ZNF792: variants seen among roughly 807,000 people sequenced by gnomAD.
The protein encoded by ZNF792 is zinc finger protein 792.
ZNF792 carries 14 observed loss-of-function variants against 13.1 expected under a neutral mutation model. The observed-to-expected ratio is 1.07, with a 90% CI of 0.71 to 1.67. ZNF792 has a LOEUF of 1.67. ZNF792 is among the 40% of genes most tolerant of loss of function. The probability of loss-of-function intolerance (pLI) is 0.00; values close to 1 mark genes in which losing one functional copy is unlikely to be tolerated. For synonymous variants in ZNF792, 257 were observed against 292.0 expected, an observed-to-expected ratio of 0.88 and a Z score of 1.22; for missense variants, 740 against 807.9, an observed-to-expected ratio of 0.92 and a Z score of 1.02.
Position 34,958,757 on chromosome 19 carries a change from A to G in ZNF792, c.1098T>C (p.Tyr366=), listed in dbSNP as rs2013477110. 1.2e-6 allele frequency: 2 copies of G among 1,613,860 alleles called. No individual in the cohort carries two copies. ...HKRVHTGEKP[Y]ECSDCGKFFS... ...AGAACTTCCCACAGTCGCTGCACTC[A>G]TATGGCTTTTCACCAGTGTGAACCC... Residue 366 remains tyrosine (Y), a synonymous_variant, in exon 4 of 4, where the codon TAT becomes TAC. Transcript: ENST00000404801.
chr19:34,958,442 A>T lies in ZNF792; in HGVS notation c.1413T>A (p.Val471=). The T allele has an allele frequency of 6.2e-7, 1 of 1,609,822 alleles. No homozygotes were observed. Among genetic ancestry groups the T allele is most frequent in the Non-Finnish European group, 8.5e-7 (1 of 1,177,676 alleles). The change falls in exon 4 of 4, where the codon GTT becomes GTA. Residue 471 remains valine (V), a synonymous_variant. Coordinates refer to ENST00000404801, the MANE Select transcript of ZNF792 (RefSeq NM_175872.5). ...RSSDLMKHQR[V]HTGERPYECN... ...ATTCATAAGGCCGCTCACCAGTGTG[A>T]ACTCGCTGATGTTTCATGAGGTCAG...
At chr19:34,963,517 C>A in intron 1 of ZNF792, 113 bp downstream of exon 1, 1 of 1,469,800 alleles carries the variant, frequency 6.8e-7, no homozygotes. Context: ...GACTCAAAAG[C>A]AAGGAAATGG....
At position 34,960,955 on chromosome 19, in the gene ZNF792, G is replaced by A; in HGVS notation, c.73C>T (p.Gln25Ter). The stretch of plus-strand genomic sequence containing the variant: ...TCATCGAGGAGCACCCACTCCTCCT[G>A]GGAGAAGTAAATGGTCACGTCCTCA... The part of the protein sequence containing the change: ...TFEDVTIYFS[Q>*]EEWVLLDEAQ... The change falls in exon 2 of 4, where the codon CAG becomes TAG. Residue 25 changes from glutamine (Q) to a stop codon, truncating the protein, a stop_gained. Transcript: ENST00000404801. LOFTEE classifies it high-confidence loss of function. 6.2e-7 allele frequency: 1 copy of A among 1,613,946 alleles called. No homozygotes were observed. The highest frequency in any genetic ancestry group is 1.1e-5 in the South Asian group (1 of 91,082).
rs146425557 is a variant in ZNF792, at chr19:34,958,905, T to C, written c.950A>G (p.Lys317Arg). ...GKPYECCECG[K>R]FFSQHSSLVK... is the part of the protein sequence containing the mutation. ...AAGGCTGGAGTGCTGGCTGAAGAAT[T>C]TTCCACATTCACAGCACTCATACGG... The change falls in exon 4 of 4, where the codon AAA becomes AGA. Residue 317 changes from lysine to arginine, a missense_variant. By Grantham distance (26) the Lys-to-Arg change is conservative. Coordinates refer to ENST00000404801, the MANE Select transcript of ZNF792 (RefSeq NM_175872.5). 144 of 1,613,936 alleles carry C rather than the reference T, an allele frequency of 8.9e-5. No individual in the cohort carries two copies. In the African/African-American group the frequency reaches 1.7e-3, roughly 19 times the overall value.
In ZNF792 at chr19:34,959,325, C is replaced by T. The variant is rs2651079; in HGVS notation, c.530G>A (p.Arg177Gln). Residue 177 changes from arginine (R) to glutamine (Q), a missense_variant, in exon 4 of 4, where the codon CGG (arginine) becomes CAG (glutamine). Coordinates refer to ENST00000404801, the MANE Select transcript of ZNF792 (RefSeq NM_175872.5). ...GTGTACGTTCTGCTGCACCTGTTTC[C>T]GGGGAAGGTTTGCACTGAACTCAGA... ...KGSEFSANLP[R>Q]KQVQQNVHNP... 804,148 of 1,613,794 alleles carry T rather than the reference C, an allele frequency of 0.5. 207,002 individuals are homozygous for T. Among genetic ancestry groups the T allele is most frequent in the African/African-American group, 0.85 (64,006 of 75,000 alleles).
chr19:34,958,484 T>C lies in ZNF792; in HGVS notation c.1371A>G (p.Lys457=), dbSNP rs2013470451. The change falls in exon 4 of 4, where the codon AAA becomes AAG. Residue 457 remains lysine (K), a synonymous_variant. Coordinates refer to ENST00000404801, the MANE Select transcript of ZNF792 (RefSeq NM_175872.5). ...TGAGGTCAGAGCTTCGGCTGAAGGCTTTCCCACACTCACCACACCCGTGAG... is the reference window on the plus strand; with the variant it reads ...TGAGGTCAGAGCTTCGGCTGAAGGCCTTCCCACACTCACCACACCCGTGAG... ...ERPHGCGECG[K]AFSRSSDLMK... The C allele has an allele frequency of 6.3e-7, 1 of 1,597,566 alleles. No homozygotes were observed. Among genetic ancestry groups the C allele is most frequent in the East Asian group, 2.2e-5 (1 of 44,744 alleles).
rs767604766 is a variant in ZNF792, at chr19:34,958,361, T to A, written c.1494A>T (p.Arg498Ser). The change falls in exon 4 of 4, where the codon AGA becomes AGT. Residue 498 changes from arginine (R) to serine (S), a missense_variant. Arg to Ser is a moderately radical substitution (Grantham distance 110). Transcript: ENST00000404801. Reference protein sequence around the residue: ...SQSSSLNSHRRLHTGERPYQC... With the variant: ...SQSSSLNSHRSLHTGERPYQC... Reference sequence around the variant, plus strand: ...GGTAAGGCCGTTCACCAGTGTGAAGTCTCCGATGGCTATTGAGGCTGGAGC... The same window carrying A: ...GGTAAGGCCGTTCACCAGTGTGAAGACTCCGATGGCTATTGAGGCTGGAGC... 6.2e-7 allele frequency: 1 copy of A among 1,613,350 alleles called. No individual in the cohort carries two copies. Among genetic ancestry groups the A allele is most frequent in the Non-Finnish European group, 8.5e-7 (1 of 1,179,710 alleles).
chr19:34,957,565 A>C lies in ZNF792; in HGVS notation c.*391T>G. 1 of 195,158 alleles carries C rather than the reference A, an allele frequency of 5.1e-6. No homozygotes were observed. The highest frequency in any genetic ancestry group is 5.5e-5 in the Admixed American group (1 of 18,118). 12.1% of individuals were successfully genotyped at this position (195,158 alleles called of 1,614,324 possible). A position where few individuals can be genotyped will look rare whatever the true frequency, so the allele number is the denominator to read the frequency against. On this transcript the variant is annotated 3_prime_UTR_variant, in exon 4 of 4. Transcript: ENST00000404801. ...TAAGTTGTTGTGTAGAGTAACATGA[A>C]GGCTGGACAAATCCTTCACAGGCAT...
Position 34,958,444 on chromosome 19 carries a change from C to G in ZNF792, c.1411G>C (p.Val471Leu). The part of the protein sequence containing the change: ...RSSDLMKHQR[V>L]HTGERPYECN... ...TCATAAGGCCGCTCACCAGTGTGAACTCGCTGATGTTTCATGAGGTCAGAG... is the reference window on the plus strand; with the variant it reads ...TCATAAGGCCGCTCACCAGTGTGAAGTCGCTGATGTTTCATGAGGTCAGAG... The change falls in exon 4 of 4, where the codon GTT becomes CTT. Residue 471 changes from valine to leucine, a missense_variant. Val to Leu is a conservative substitution (Grantham distance 32). Coordinates refer to ENST00000404801, the MANE Select transcript of ZNF792 (RefSeq NM_175872.5). The G allele has an allele frequency of 6.2e-7, 1 of 1,609,368 alleles. No individual in the cohort carries two copies. Among genetic ancestry groups the G allele is most frequent in the Non-Finnish European group, 8.5e-7 (1 of 1,177,354 alleles).
chr19:34,959,132 G>A lies in ZNF792; in HGVS notation c.723C>T (p.Thr241=), dbSNP rs115485454. Residue 241 remains threonine, a synonymous_variant, in exon 4 of 4, where the codon ACC becomes ACT. Coordinates refer to ENST00000404801, the MANE Select transcript of ZNF792 (RefSeq NM_175872.5). The part of the protein sequence containing the change: ...TPSDGEPHEA[T]EGVVDFHIAL... Reference sequence around the variant, plus strand: ...CAATGTGAAAATCCACCACACCTTCGGTGGCCTCGTGCGGCTCCCCATCGC... The same window carrying A: ...CAATGTGAAAATCCACCACACCTTCAGTGGCCTCGTGCGGCTCCCCATCGC... 3.6e-4 allele frequency: 574 copies of A among 1,613,756 alleles called. 1 individual carries two copies. In the African/African-American group the frequency reaches 7.0e-3, roughly 20 times the overall value.
Position 34,959,216 on chromosome 19 carries a change from C to A in ZNF792, c.639G>T (p.Arg213Ser), listed in dbSNP as rs1340607672. Residue 213 changes from arginine (R) to serine (S), a missense_variant, in exon 4 of 4, where the codon AGG (arginine) becomes AGT (serine). Coordinates refer to ENST00000404801, the MANE Select transcript of ZNF792 (RefSeq NM_175872.5). ...TGGCCACAAAGTCCTTCCCACCCTCCCTGCAGGTGGAAAGCTGATCTGATG... is the reference window on the plus strand; with the variant it reads ...TGGCCACAAAGTCCTTCCCACCCTCACTGCAGGTGGAAAGCTGATCTGATG... ...DHTSDQLSTC[R>S]EGGKDFVATA... 5 of 1,614,046 alleles carry A rather than the reference C, an allele frequency of 3.1e-6. No homozygotes were observed. The highest frequency in any genetic ancestry group is 4.2e-6 in the Non-Finnish European group (5 of 1,179,896).
chr19:34,962,194 T>C (rs1267416806), intron 1 of ZNF792, among the ~76,000 whole-genome samples: 1 of 152,086 alleles, frequency 6.6e-6, no homozygotes, highest in Non-Finnish European at 1.5e-5. Flanking sequence ...TACACTCCCG[T>C]CCACACACCA....
chr19:34,959,976 T>C (rs1375119407), intron 3 of ZNF792, among the ~76,000 whole-genome samples: 1 of 152,090 alleles, frequency 6.6e-6, no homozygotes, highest in Non-Finnish European at 1.5e-5. Flanking sequence ...ACACATTAAG[T>C]GTAGGCCAGT....
chr19:34,960,327 G>A lies in ZNF792; in HGVS notation c.191C>T (p.Ser64Phe), dbSNP rs868167533. ...GLISFRSHIV[S>F]QLEMGKEPWV... is the part of the protein sequence containing the mutation. Reference sequence around the variant, plus strand: ...GGGCTCTTTCCCCATCTCCAACTGGGAAACGATGTGGGACCTGAAAGATAT... The same window carrying A: ...GGGCTCTTTCCCCATCTCCAACTGGAAAACGATGTGGGACCTGAAAGATAT... The change falls in exon 3 of 4, where the codon TCC (serine) becomes TTC (phenylalanine). Residue 64 changes from serine to phenylalanine, a missense_variant. Transcript: ENST00000404801. The A allele has an allele frequency of 1.2e-6, 2 of 1,613,558 alleles. No homozygotes were observed. Among genetic ancestry groups the A allele is most frequent in the Non-Finnish European group, 1.7e-6 (2 of 1,179,788 alleles).
rs2013446256 is a variant in ZNF792 at position 34,957,301 on chromosome 19, A to G, written c.*655T>C. On this transcript the variant is annotated 3_prime_UTR_variant, in exon 4 of 4. Coordinates refer to ENST00000404801, the MANE Select transcript of ZNF792 (RefSeq NM_175872.5). ...TCAGACCACAATATTATACCCATAA[A>G]TTCCTACAATTTTTCCTAGGAGGCC... 1 of 152,190 alleles carries G rather than the reference A, an allele frequency of 6.6e-6. No homozygotes were observed. Among genetic ancestry groups the G allele is most frequent in the Non-Finnish European group, 1.5e-5 (1 of 68,046 alleles). The allele number at this position is 152,190 out of a possible 1,614,324, so 9.4% of individuals were successfully genotyped here.
In ZNF792 at chr19:34,963,692, G is replaced by A. The variant is rs2013563096; in HGVS notation, c.-30C>T. 2 of 1,568,764 alleles carry A rather than the reference G, an allele frequency of 1.3e-6. No homozygotes were observed. The highest frequency in any genetic ancestry group is 1.7e-6 in the Non-Finnish European group (2 of 1,161,350). Reference sequence around the variant, plus strand: ...GTCTGTGGTCAGAGCAGGGCCCCACGGTGCGGGAAACCACGGGGCGGGGGT... The same window carrying A: ...GTCTGTGGTCAGAGCAGGGCCCCACAGTGCGGGAAACCACGGGGCGGGGGT... On this transcript the variant is annotated 5_prime_UTR_variant, in exon 1 of 4. Coordinates refer to ENST00000404801, the MANE Select transcript of ZNF792 (RefSeq NM_175872.5).
chr19:34,958,342 G>C lies in ZNF792; in HGVS notation c.1513C>G (p.Pro505Ala). ...TTCCCACATTCACTGCACTGGTAAG[G>C]CCGTTCACCAGTGTGAAGTCTCCGA... The part of the protein sequence containing the change: ...SHRRLHTGER[P>A]YQCSECGKFF... The change falls in exon 4 of 4, where the codon CCT becomes GCT. Residue 505 changes from proline to alanine, a missense_variant. By Grantham distance (27) the Pro-to-Ala change is conservative. Coordinates refer to ENST00000404801, the MANE Select transcript of ZNF792 (RefSeq NM_175872.5). 6.2e-7 allele frequency: 1 copy of C among 1,613,010 alleles called. No homozygotes were observed. The highest frequency in any genetic ancestry group is 8.5e-7 in the Non-Finnish European group (1 of 1,179,476).
rs1464953033 is a variant in ZNF792, at chr19:34,958,217, C to T, written c.1638G>A (p.Arg546=). The T allele has an allele frequency of 1.2e-6, 2 of 1,613,928 alleles. No homozygotes were observed. Among genetic ancestry groups the T allele is most frequent in the Non-Finnish European group, 1.7e-6 (2 of 1,179,840 alleles). ...CSECGKTFRQ[R]SNLRQHLKVH... Reference sequence around the variant, plus strand: ...CTTTCAGGTGCTGCCTCAGATTGGACCTCTGCCTGAAGGTTTTCCCACATT... The same window carrying T: ...CTTTCAGGTGCTGCCTCAGATTGGATCTCTGCCTGAAGGTTTTCCCACATT... Residue 546 remains arginine, a synonymous_variant, in exon 4 of 4, where the codon AGG becomes AGA. Transcript: ENST00000404801.
At position 34,957,745 on chromosome 19, in the gene ZNF792, C is replaced by A; in HGVS notation, c.*211G>T. Reference sequence around the variant, plus strand: ...AATGACATCTTCCCAAGGCTTCAGACTACTCCTAATTCCCTTTAGGGATTG... The same window carrying A: ...AATGACATCTTCCCAAGGCTTCAGAATACTCCTAATTCCCTTTAGGGATTG... On this transcript the variant is annotated 3_prime_UTR_variant, in exon 4 of 4. Coordinates refer to ENST00000404801, the MANE Select transcript of ZNF792 (RefSeq NM_175872.5). The A allele has an allele frequency of 1.9e-6, 1 of 534,496 alleles. No homozygotes were observed. The highest frequency in any genetic ancestry group is 3.3e-5 in the South Asian group (1 of 30,012). 33.1% of individuals were successfully genotyped at this position (534,496 alleles called of 1,614,324 possible). A position where few individuals can be genotyped will look rare whatever the true frequency, so the allele number is the denominator to read the frequency against.
Sources: allele counts gnomAD v4.1 joint callset (sites outside exome capture counted in the v4.1 genomes callset), GRCh38; gene constraint gnomAD v4.1.1; transcripts MANE v1.5; gene names NCBI Gene and HGNC (gene_info 2026-07-23, HGNC 2026-07-21).